The following GLB1L3 variants were observed in gnomAD, a reference collection of about 807,000 sequenced individuals.
The protein encoded by GLB1L3 is galactosidase beta 1 like 3.
A neutral mutation model predicts 89.5 loss-of-function variants in GLB1L3; 89 were observed. That is an observed-to-expected ratio of 0.99 (90% CI 0.84 to 1.19). The LOEUF is 1.19. Among genes scored for constraint, GLB1L3 ranks in the 50% most tolerant of loss-of-function variants. The pLI, the probability that GLB1L3 is intolerant of heterozygous loss-of-function variation, is 0.00. For missense variants in GLB1L3, 812 were observed against 813.3 expected (o/e 1.00, Z 0.02); for synonymous variants, 314 against 312.3 (o/e 1.01, Z -0.06).
At chr11:134,296,159 T>G (rs1941626769) in intron 9 of GLB1L3, among the ~76,000 whole-genome samples, 2 of 151,482 alleles carry the variant, frequency 1.3e-5, no homozygotes, top group African/African-American at 4.9e-5. Context: ...CTCACACCAG[T>G]TAGAATGGCA....
At chr11:134,312,532 C>G (rs1365522883) in intron 14 of GLB1L3, 43 bp downstream of exon 14, 1 of 1,600,174 alleles carries the variant, frequency 6.2e-7, no homozygotes, top group Non-Finnish European at 8.5e-7. Context: ...AAGTGCATCA[C>G]CTCCCCATGC....
chr11:134,313,357 A>G (rs1461524942), intron 15 of GLB1L3, 39 bp from the exon 16 acceptor site: 2 of 1,517,730 alleles, frequency 1.3e-6, no homozygotes, highest in Non-Finnish European at 9.0e-7. Context: ...GACGCCCTCC[A>G]TGGCTGCGTG....
In GLB1L3 at chr11:134,277,831, T is replaced by A; in HGVS notation, c.281T>A (p.Ile94Asn). Residue 94 changes from isoleucine to asparagine, a missense_variant, in exon 3 of 20, where the codon ATC becomes AAC. This residue lies in a region of GLB1L3 where 191 missense variants were observed against 191.4 expected (regional missense o/e 1.00). Transcript: ENST00000431683. ...GHKFLIFGGS[I>N]HYFRVPREYW... ...AAGTTCCTGATCTTCGGGGGCTCCA[T>A]CCACTATTTCCGGGTGCCCAGGGAG... The A allele has an allele frequency of 6.2e-7, 1 of 1,614,120 alleles. No individual in the cohort carries two copies. Among genetic ancestry groups the A allele is most frequent in the Non-Finnish European group, 8.5e-7 (1 of 1,180,006 alleles).
At chr11:134,313,814 A>G in intron 16 of GLB1L3, 127 bp from the exon 17 acceptor site, 1 of 688,248 alleles carries the variant, frequency 1.5e-6, no homozygotes, top group Non-Finnish European at 2.6e-6. Flanking sequence ...GGTCAGACAA[A>G]TGTTTGCCCT....
chr11:134,296,147 A>G (rs2136160538), intron 9 of GLB1L3, among the ~76,000 whole-genome samples: 1 of 151,942 alleles, frequency 6.6e-6, no homozygotes, highest in East Asian at 1.9e-4. Flanking sequence ...ATGAGATACC[A>G]TCTCACACCA....
rs1449278576 is a variant in GLB1L3, at chr11:134,318,853, T to C, written c.1897-24T>C. ...ACTAAATAGGCTTCACCTTTCCCAC[T>C]GTCAACCTTTCTTTTCTTCTCAGGT... On this transcript the variant is annotated intron_variant, in intron 19 of 19. Coordinates refer to ENST00000431683, the MANE Select transcript of GLB1L3 (RefSeq NM_001080407.3). 3 of 1,606,768 alleles carry C rather than the reference T, an allele frequency of 1.9e-6. No individual in the cohort carries two copies. The African/African-American group carries it at 4.0e-5, about 21-fold the overall frequency.
chr11:134,318,835 A>G, intron 19 of GLB1L3, 42 bp from the exon 20 acceptor site: 1 of 1,574,590 alleles, frequency 6.4e-7, no homozygotes, highest in Non-Finnish European at 8.7e-7. Flanking sequence ...TGTACTAAAT[A>G]GGCTTCACCT....
Position 134,288,941 on chromosome 11 carries a change from G to A in GLB1L3, c.729+51G>A, listed in dbSNP as rs376999170. On this transcript the variant is annotated intron_variant, in intron 7 of 19. Coordinates refer to ENST00000431683, the MANE Select transcript of GLB1L3 (RefSeq NM_001080407.3). ...TGTTTACATGCCTCCTTCCTCCTCT[G>A]TGCGTTTCTGATTCCTGGATGCATG... is the stretch of plus-strand genomic sequence containing the variant. The A allele has an allele frequency of 1.4e-5, 17 of 1,253,972 alleles. No individual in the cohort carries two copies. In the African/African-American group the frequency reaches 2.4e-4, roughly 18 times the overall value. 77.7% of individuals were successfully genotyped at this position (1,253,972 alleles called of 1,614,324 possible).
chr11:134,307,655 TAGTC>T (rs1378661701), intron 10 of GLB1L3, among the ~76,000 whole-genome samples: 2 of 150,492 alleles, frequency 1.3e-5, no homozygotes, highest in Non-Finnish European at 3.0e-5. Context: ...GCACTAATAA[TAGTC>T]AGGGGACAAC....
At chr11:134,293,310 C>A in intron 9 of GLB1L3, 101 bp downstream of exon 9, 1 of 1,001,506 alleles carries the variant, frequency 1.0e-6, no homozygotes, top group Non-Finnish European at 1.5e-6. Context: ...ACAAGAAGAC[C>A]GCAGGTTTTC....
At chr11:134,321,121 G>C (rs1943162113), downstream of GLB1L3, among the ~76,000 whole-genome samples, 1 of 152,190 alleles carries the variant, frequency 6.6e-6, no homozygotes, top group Non-Finnish European at 1.5e-5. Flanking sequence ...CATAGAAATA[G>C]AGCCAATGTC....
intron 3 of GLB1L3, among the ~76,000 whole-genome samples, chr11:134,278,180 C>A (rs776662532): frequency 1.6e-4 from 25 of 152,182 alleles, no homozygotes; most frequent in Admixed American, 1.3e-4. Context: ...AATGAAGGAA[C>A]ACCAGGCGCC....
intron 4 of GLB1L3, 106 bp downstream of exon 4, chr11:134,281,551 G>C: frequency 8.4e-7 from 1 of 1,185,184 alleles, no homozygotes; most frequent in Non-Finnish European, 1.3e-6. Flanking sequence ...CGTGGGTCTG[G>C]AGTCCTGTTC....
Position 134,319,028 on chromosome 11 carries a change from C to T in GLB1L3, c.*86C>T, listed in dbSNP as rs1943104745. On this transcript the variant is annotated 3_prime_UTR_variant, in exon 20 of 20. Transcript: ENST00000431683. ...GGAGTGCAGTGGCACAATCTCTGCT[C>T]ACTGCAAGCTCAGCCTCTCGGGTTC... 2.1e-6 allele frequency: 2 copies of T among 932,482 alleles called. No individual in the cohort carries two copies. The highest frequency in any genetic ancestry group is 2.7e-5 in the South Asian group (2 of 73,372). 57.8% of individuals were successfully genotyped at this position (932,482 alleles called of 1,614,324 possible). A position where few individuals can be genotyped will look rare whatever the true frequency, so the allele number is the denominator to read the frequency against.
Position 134,316,376 on chromosome 11 carries a change from A to G in GLB1L3, c.1779+1935A>G, listed in dbSNP as rs1327835497. On this transcript the variant is annotated intron_variant, in intron 18 of 19. Transcript: ENST00000431683. The stretch of plus-strand genomic sequence containing the variant: ...TTCTATTATATGGGTAATGGTTCAT[A>G]TTGAAATACAGAAAAAATAAGTTGT... Among the ~76,000 whole-genome samples the G allele has an allele frequency of 2.6e-5, 4 of 152,146 alleles. 1 individual carries two copies. Among genetic ancestry groups the G allele is most frequent in the Admixed American group, 2.0e-4 (3 of 15,276 alleles).
In GLB1L3 at chr11:134,289,129, A is replaced by G. The variant is rs911048338; in HGVS notation, c.729+239A>G. On this transcript the variant is annotated intron_variant, in intron 7 of 19. Transcript: ENST00000431683. ...CTGTTGACTGGAAGCCTTACCAATA[A>G]TAAACAGTCGATTAATGCAGGTTTT... The G allele has an allele frequency of 1.5e-5, 6 of 409,370 alleles. No homozygotes were observed. In the East Asian group the frequency reaches 2.6e-4, roughly 18 times the overall value. The allele number at this position is 409,370 out of a possible 1,614,324, so 25.4% of individuals were successfully genotyped here.
intron 10 of GLB1L3, among the ~76,000 whole-genome samples, chr11:134,308,556 T>TCACCTC (rs1942512558): frequency 1.7e-5 from 1 of 57,522 alleles, no homozygotes; most frequent in Non-Finnish European, 3.1e-5. Flanking sequence ...ACCATCACCA[T>TCACCTC]CACCACCACC....
At chr11:134,312,169 G>A (rs1444100101) in intron 13 of GLB1L3, 180 bp from the exon 14 acceptor site, 2 of 623,820 alleles carry the variant, frequency 3.2e-6, no homozygotes, top group African/African-American at 1.8e-5. Flanking sequence ...ATTTCCCTGA[G>A]TTTCCTTCCT....
In GLB1L3 at chr11:134,319,250, G is replaced by A. The variant is rs1050611775; in HGVS notation, c.*308G>A. ...ATTACAGGCGTGAGCCACCACTCCC[G>A]GCCGTGAACATATTTTTTGGGTTGC... is the stretch of plus-strand genomic sequence containing the variant. On this transcript the variant is annotated 3_prime_UTR_variant, in exon 20 of 20. Coordinates refer to ENST00000431683, the MANE Select transcript of GLB1L3 (RefSeq NM_001080407.3). 9 of 244,056 alleles carry A rather than the reference G, an allele frequency of 3.7e-5. No homozygotes were observed. Among genetic ancestry groups the A allele is most frequent in the South Asian group, 1.0e-4 (1 of 9,950 alleles). The allele number at this position is 244,056 out of a possible 1,614,324, so 15.1% of individuals were successfully genotyped here. A position where few individuals can be genotyped will look rare whatever the true frequency, so the allele number is the denominator to read the frequency against.
Sources: gnomAD v4.1 joint callset for allele counts (sites outside exome capture counted in the v4.1 genomes callset) on GRCh38, gnomAD v4.1.1 for gene constraint, gnomAD v4.1.1 regional missense constraint, MANE v1.5 for transcripts, NCBI Gene and HGNC (gene_info 2026-07-23, HGNC 2026-07-21) for gene names.